IGSF9: variants seen among roughly 807,000 people sequenced by gnomAD.
IGSF9 encodes immunoglobulin superfamily member 9, also known as protein turtle homolog A.
In IGSF9, 87 loss-of-function variants were observed where a neutral mutation model predicts 121.7. The ratio of observed to expected loss-of-function variants is 0.71; its 90% CI spans 0.60 to 0.85. The LOEUF (loss-of-function observed/expected upper bound fraction) is 0.85. IGSF9 is among the 40% of genes least tolerant of loss of function. The probability of loss-of-function intolerance (pLI) is 0.00; values close to 1 mark genes in which losing one functional copy is unlikely to be tolerated. For missense variants in IGSF9, 1,462 were observed against 1,565.3 expected, an observed-to-expected ratio of 0.93 and a Z score of 1.11; for synonymous variants, 640 against 648.4, an observed-to-expected ratio of 0.99 and a Z score of 0.20.
At chr1:159,942,606 G>A (rs762646338) in intron 3 of IGSF9, among the ~76,000 whole-genome samples, 7 of 152,192 alleles carry the variant, frequency 4.6e-5, no homozygotes, top group Non-Finnish European at 8.8e-5. Flanking sequence ...TACAGATCAG[G>A]ATGAAGTCTG....
intron 4 of IGSF9, 130 bp downstream of exon 4, chr1:159,937,556 G>A: frequency 6.1e-6 from 6 of 984,104 alleles, no homozygotes; most frequent in East Asian, 5.0e-5. Context: ...AGGGCTCTCA[G>A]GAAGGGTGGG....
chr1:159,943,494 G>A lies in IGSF9; in HGVS notation c.-40C>T. 1 of 1,506,836 alleles carries A rather than the reference G, an allele frequency of 6.6e-7. No individual in the cohort carries two copies. Among genetic ancestry groups the A allele is most frequent in the Non-Finnish European group, 8.9e-7 (1 of 1,127,382 alleles). 93.3% of individuals were successfully genotyped at this position (1,506,836 alleles called of 1,614,324 possible). Reference sequence around the variant, plus strand: ...GCTCACCCAGCCCCTCCTATCCACAGGAGCCCAGATGGAGGGGCCAAGGGA... The same window carrying A: ...GCTCACCCAGCCCCTCCTATCCACAAGAGCCCAGATGGAGGGGCCAAGGGA... On this transcript the variant is annotated 5_prime_UTR_variant, in exon 2 of 21. Transcript: ENST00000368094.
At chr1:159,934,848 G>A (rs767007250) in intron 6 of IGSF9, 26 bp from the exon 7 acceptor site, 6 of 1,613,194 alleles carry the variant, frequency 3.7e-6, no homozygotes, top group Non-Finnish European at 5.1e-6. Flanking sequence ...GGGGAGGAAG[G>A]TGGCCTCAGC....
At position 159,934,357 on chromosome 1, in the gene IGSF9, G is replaced by A. The variant is rs773851966; in HGVS notation, c.962-25C>T. ...TCTGGGGGAAAGTAGTGGCAAGTTG[G>A]GGGAGAGGGGCTTGGCCTGGCCCAG... On this transcript the variant is annotated intron_variant, in intron 8 of 20. Transcript: ENST00000368094. 13 of 1,573,392 alleles carry A rather than the reference G, an allele frequency of 8.3e-6. No homozygotes were observed. The African/African-American group carries it at 1.1e-4, about 13-fold the overall frequency.
chr1:159,934,537 GTC>G lies in IGSF9; in HGVS notation c.847_848del (p.Asp283ArgfsTer11). ...RLQPRVRILV[D>X]GSLRLLATQP... ...GGGTGGCCAGCAGCCGCAGGCTCCC[GTC>G]CACCAGGATCCGCACCCGGGGCTGC... is the stretch of plus-strand genomic sequence containing the variant. On this transcript the variant is annotated frameshift_variant, in exon 8 of 21. Coordinates refer to ENST00000368094, the MANE Select transcript of IGSF9 (RefSeq NM_001135050.2). LOFTEE classifies it high-confidence loss of function. 6.2e-7 allele frequency: 1 copy of G among 1,613,896 alleles called. No individual in the cohort carries two copies. The highest frequency in any genetic ancestry group is 8.5e-7 in the Non-Finnish European group (1 of 1,179,888).
chr1:159,937,465 CTGAT>C (rs930648632), intron 4 of IGSF9, among the ~76,000 whole-genome samples: 3 of 151,942 alleles, frequency 2.0e-5, no homozygotes, highest in Non-Finnish European at 4.4e-5. Flanking sequence ...GCCTAGAAGG[CTGAT>C]TGAATTTATA....
In IGSF9 at chr1:159,927,790, G is replaced by C. The variant is rs775565374; in HGVS notation, c.3328C>G (p.Arg1110Gly). The C allele has an allele frequency of 6.2e-7, 1 of 1,613,906 alleles. No individual in the cohort carries two copies. ...TCTGGCTCAGCTTCAGGTCTGAGCC[G>C]GGAGCTGGCCAAGCCCAGGTGCAAA... is the stretch of plus-strand genomic sequence containing the variant. The part of the protein sequence containing the change: ...ETLHLGLASS[R>G]LRPEAEPELG... Residue 1110 changes from arginine to glycine, a missense_variant, in exon 20 of 21, where the codon CGG (arginine) becomes GGG (glycine). Arg to Gly is a moderately radical substitution (Grantham distance 125). Around this residue, in one of 3 missense-constraint regions of IGSF9, gnomAD observed 808 missense variants for 815.2 expected, o/e 0.99. Transcript: ENST00000368094.
Position 159,929,709 on chromosome 1 carries a change from A to AC in IGSF9, c.2254dup (p.Val752GlyfsTer48), listed in dbSNP as rs1203481438. On this transcript the variant is annotated frameshift_variant, in exon 17 of 21. Transcript: ENST00000368094. LOFTEE classifies it high-confidence loss of function. ...CAGGAGGCAGCCGGCCAGGATGCTC[A>AC]CAAGGACGGCCACTCCCAGAAAGCA... 4.4e-6 allele frequency: 7 copies of AC among 1,600,370 alleles called. No homozygotes were observed. The highest frequency in any genetic ancestry group is 1.3e-5 in the African/African-American group (1 of 74,808).
Position 159,931,268 on chromosome 1 carries a change from AG to A in IGSF9, c.1514-8del, listed in dbSNP as rs147194050. 1.2e-6 allele frequency: 2 copies of A among 1,614,050 alleles called. No individual in the cohort carries two copies. Among genetic ancestry groups the A allele is most frequent in the Admixed American group, 1.7e-5 (1 of 60,016 alleles). Reference sequence around the variant, plus strand: ...ACAACATGAGGGCTAGTGCCTAGGCAGGGGGGAATGGAGGGATGGTGGTCAG... The same window carrying A: ...ACAACATGAGGGCTAGTGCCTAGGCAGGGGGAATGGAGGGATGGTGGTCAG... On this transcript the variant is annotated splice_region_variant and splice_polypyrimidine_tract_variant and intron_variant, in intron 12 of 20. Transcript: ENST00000368094. This position sits in a 1 kb window ranked among gnomAD's most constrained non-coding sequence, Gnocchi z 4.8.
intron 5 of IGSF9, 108 bp from the exon 6 acceptor site, chr1:159,936,624 A>C (rs1243961249): frequency 6.6e-7 from 1 of 1,521,950 alleles, no homozygotes; most frequent in African/African-American, 1.4e-5. Context: ...CGGGGCAAAC[A>C]ATGCCAAGCC....
chr1:159,929,225 C>T, intron 18 of IGSF9, 126 bp downstream of exon 18: 1 of 1,365,900 alleles, frequency 7.3e-7, no homozygotes. Context: ...CCCTTCTTAC[C>T]CTCTCCCACT....
Position 159,927,076 on chromosome 1 carries a change from T to TCA in IGSF9, c.*267_*268dup, listed in dbSNP as rs138111490. The stretch of plus-strand genomic sequence containing the variant: ...TTTGTTTATTCACCTGTAAAAAACT[T>TCA]CACACACACACACACACACACAGAG... On this transcript the variant is annotated 3_prime_UTR_variant, in exon 21 of 21. Transcript: ENST00000368094. 9.6e-3 allele frequency: 3,452 copies of TCA among 360,584 alleles called. 5 individuals are homozygous for TCA. The highest frequency in any genetic ancestry group is 0.015 in the East Asian group (269 of 17,612). 22.3% of individuals were successfully genotyped at this position (360,584 alleles called of 1,614,324 possible). A position where few individuals can be genotyped will look rare whatever the true frequency, so the allele number is the denominator to read the frequency against.
Position 159,927,137 on chromosome 1 carries a change from CCTA to C in IGSF9, c.*205_*207del. On this transcript the variant is annotated 3_prime_UTR_variant, in exon 21 of 21. Coordinates refer to ENST00000368094, the MANE Select transcript of IGSF9 (RefSeq NM_001135050.2). Reference sequence around the variant, plus strand: ...AGAGAGAGAGAGAGAGAGAGGCAGACCTAAGATCCCTGTTCCAATCCCCAGACT... The same window carrying C: ...AGAGAGAGAGAGAGAGAGAGGCAGACAGATCCCTGTTCCAATCCCCAGACT... The C allele has an allele frequency of 1.8e-6, 1 of 570,730 alleles. No individual in the cohort carries two copies. The highest frequency in any genetic ancestry group is 3.1e-6 in the Non-Finnish European group (1 of 326,030). 35.4% of individuals were successfully genotyped at this position (570,730 alleles called of 1,614,324 possible).
chr1:159,930,859 C>T lies in IGSF9; in HGVS notation c.1646G>A (p.Arg549His), dbSNP rs755205713. The T allele has an allele frequency of 6.9e-6, 11 of 1,604,686 alleles. No homozygotes were observed. In the East Asian group the frequency reaches 1.3e-4, roughly 20 times the overall value. ...CCAGTCATGGTGCATTCGGTCAGGA[C>T]GCTTGGCCCTGGGAGACATGAGGAC... is the stretch of plus-strand genomic sequence containing the variant. ...FSVWYTPLAK[R>H]PDRMHHDWVS... is the part of the protein sequence containing the mutation. Residue 549 changes from arginine to histidine, a missense_variant, in exon 14 of 21, where the codon CGT (arginine) becomes CAT (histidine). Physicochemically the swap from Arg to His is conservative, Grantham distance 29. Transcript: ENST00000368094.
In IGSF9 at chr1:159,927,314, A is replaced by G. The variant is rs752491619; in HGVS notation, c.*31T>C. 4 of 1,612,066 alleles carry G rather than the reference A, an allele frequency of 2.5e-6. No homozygotes were observed. Among genetic ancestry groups the G allele is most frequent in the Non-Finnish European group, 3.4e-6 (4 of 1,179,788 alleles). ...TTGGGGGCCTCCTTTGCAGGTCCATATGCCTTTTCACAGCCTCACATCAGG... is the reference window on the plus strand; with the variant it reads ...TTGGGGGCCTCCTTTGCAGGTCCATGTGCCTTTTCACAGCCTCACATCAGG... On this transcript the variant is annotated 3_prime_UTR_variant, in exon 21 of 21. Transcript: ENST00000368094.
intron 2 of IGSF9, 36 bp downstream of exon 2, chr1:159,943,361 T>C (rs1164619175): frequency 2.6e-6 from 4 of 1,526,660 alleles, no homozygotes; most frequent in Non-Finnish European, 2.6e-6. Context: ...ACCCCAAGGC[T>C]AACAGGGCAT....
Position 159,934,666 on chromosome 1 carries a change from T to C in IGSF9, c.815+15A>G. 6.2e-7 allele frequency: 1 copy of C among 1,614,162 alleles called. No homozygotes were observed. The highest frequency in any genetic ancestry group is 8.5e-7 in the Non-Finnish European group (1 of 1,179,990). The stretch of plus-strand genomic sequence containing the variant: ...GAATTCCCCACCTCCACCTTCCTAA[T>C]GAGGGTGACCCCACCTAATGTGGAA... On this transcript the variant is annotated intron_variant, in intron 7 of 20. Transcript: ENST00000368094.
At chr1:159,941,654 G>A (rs1237974903) in intron 3 of IGSF9, among the ~76,000 whole-genome samples, 1 of 152,242 alleles carries the variant, frequency 6.6e-6, no homozygotes, top group Non-Finnish European at 1.5e-5. Flanking sequence ...GGAGTCCCAG[G>A]AAAAGCCCCT....
intron 3 of IGSF9, among the ~76,000 whole-genome samples, chr1:159,940,811 A>T (rs1261150228): frequency 6.6e-6 from 1 of 152,206 alleles, no homozygotes; most frequent in Non-Finnish European, 1.5e-5. Flanking sequence ...AAAAAAATGC[A>T]CATCCCTTCT....
Sources: allele counts gnomAD v4.1 joint callset (sites outside exome capture counted in the v4.1 genomes callset), GRCh38; gene constraint gnomAD v4.1.1; regional missense constraint gnomAD v4.1.1; non-coding constraint Gnocchi (gnomAD v3.1); transcripts MANE v1.5; gene names NCBI Gene and HGNC (gene_info 2026-07-23, HGNC 2026-07-21).